IQSEC1: variants seen among roughly 807,000 people sequenced by gnomAD.
IQSEC1 encodes IQ motif and SEC7 domain-containing protein 1.
A neutral mutation model predicts 91.0 loss-of-function variants in IQSEC1; 31 were observed. That is an observed-to-expected ratio of 0.34 (90% confidence interval 0.26 to 0.46). The LOEUF is 0.46. Ranked by LOEUF, IQSEC1 falls within the 20% of genes least tolerant of loss-of-function variation. IQSEC1 has a pLI of 1.00. For synonymous variants in IQSEC1, 699 were observed against 662.6 expected (o/e 1.05, Z -0.84); for missense variants, 1,388 against 1,575.6 (o/e 0.88, Z 2.02).
rs928858172 is a variant in IQSEC1, at chr3:12,900,133, T to C, written c.*850A>G. 1.0e-6 allele frequency: 1 copy of C among 974,128 alleles called. No homozygotes were observed. The highest frequency in any genetic ancestry group is 1.2e-6 in the Non-Finnish European group (1 of 819,712). The allele number at this position is 974,128 out of a possible 1,614,324, so 60.3% of individuals were successfully genotyped here. A position where few individuals can be genotyped will look rare whatever the true frequency, so the allele number is the denominator to read the frequency against. Reference sequence around the variant, plus strand: ...CTTACCTGAAATAACAGCATTATAATACTATTTATGATAGTATTCTGTTAA... The same window carrying C: ...CTTACCTGAAATAACAGCATTATAACACTATTTATGATAGTATTCTGTTAA... On this transcript the variant is annotated 3_prime_UTR_variant, in exon 14 of 14. Coordinates refer to ENST00000613206, the MANE Select transcript of IQSEC1 (RefSeq NM_001134382.3).
chr3:12,937,926 G>A (rs1450647526), intron 2 of IQSEC1, among the ~76,000 whole-genome samples: 1 of 152,190 alleles, frequency 6.6e-6, no homozygotes, highest in African/African-American at 2.4e-5. Context: ...TCGTTCCTGT[G>A]AGGGGTGAGC....
At chr3:13,158,086 C>T (rs2124974250) in intron 2 of IQSEC1, among the ~76,000 whole-genome samples, 1 of 152,348 alleles carries the variant, frequency 6.6e-6, no homozygotes, top group Non-Finnish European at 1.5e-5. Context: ...TCAAGATTAT[C>T]TGCCCCCAGT....
rs1695209416 is a variant in IQSEC1, at chr3:12,908,342, C to T, written c.2755+7G>A. ...GCTAGCAAGGTGGTTCTAGGCCAAGCTCTTACCGGCTTCCGAGAGGTCCCG... is the reference window on the plus strand; with the variant it reads ...GCTAGCAAGGTGGTTCTAGGCCAAGTTCTTACCGGCTTCCGAGAGGTCCCG... On this transcript the variant is annotated splice_region_variant and intron_variant, in intron 12 of 13. Coordinates refer to ENST00000613206, the MANE Select transcript of IQSEC1 (RefSeq NM_001134382.3). This position sits in a 1 kb window ranked among gnomAD's most constrained non-coding sequence, Gnocchi z 4.9. The T allele has an allele frequency of 6.2e-7, 1 of 1,610,998 alleles. No individual in the cohort carries two copies. The highest frequency in any genetic ancestry group is 1.7e-5 in the Admixed American group (1 of 59,984).
rs1025286508 is a variant in IQSEC1 at position 13,032,963 on chromosome 3, C to T, written c.23+40029G>A. Among the ~76,000 whole-genome samples the T allele has an allele frequency of 1.4e-4, 22 of 152,222 alleles. No individual in the cohort carries two copies. The East Asian group carries it at 1.9e-3, about 13-fold the overall frequency. On this transcript the variant is annotated intron_variant, in intron 1 of 13. Transcript: ENST00000613206. Reference sequence around the variant, plus strand: ...TCATAAAGCAGCTCTGCAGGGCACACGAGGGCCTCGGGGCCTGGAAACTGC... The same window carrying T: ...TCATAAAGCAGCTCTGCAGGGCACATGAGGGCCTCGGGGCCTGGAAACTGC...
At position 12,967,525 on chromosome 3, in the gene IQSEC1, C is replaced by T; in HGVS notation, c.24-25660G>A. 1 of 1,397,512 alleles carries T rather than the reference C, an allele frequency of 7.2e-7. No homozygotes were observed. The highest frequency in any genetic ancestry group is 9.2e-7 in the Non-Finnish European group (1 of 1,083,574). 86.6% of individuals were successfully genotyped at this position (1,397,512 alleles called of 1,614,324 possible). A position where few individuals can be genotyped will look rare whatever the true frequency, so the allele number is the denominator to read the frequency against. On this transcript the variant is annotated intron_variant, in intron 1 of 13. Transcript: ENST00000613206. The surrounding 1 kb of genome is among the most constrained non-coding windows in gnomAD (Gnocchi z 5.9). ...AGCAGAGGCCGCCGACTCCCGCCAG[C>T]GAGCCGCCGGATCCCGGGGCCGACA...
chr3:12,905,003 G>A (rs989419105), intron 12 of IQSEC1, among the ~76,000 whole-genome samples: 1 of 152,210 alleles, frequency 6.6e-6, no homozygotes, highest in Non-Finnish European at 1.5e-5. Context: ...GTCAGCAAGA[G>A]ATGCAGGGTG....
chr3:13,072,895 C>T (rs1705483232), intron 1 of IQSEC1, 97 bp downstream of exon 1: 3 of 1,117,010 alleles, frequency 2.7e-6, no homozygotes, highest in African/African-American at 1.5e-5. Flanking sequence ...GCACATCCAC[C>T]TGCCCCTCCC....
chr3:13,232,041 G>T (rs141064262), intron 1 of IQSEC1, among the ~76,000 whole-genome samples: 6 of 152,372 alleles, frequency 3.9e-5, no homozygotes, highest in Non-Finnish European at 8.8e-5. Context: ...TTGAAACCTG[G>T]ATTACTTGGA....
Position 12,900,291 on chromosome 3 carries a change from A to G in IQSEC1, c.*692T>C. On this transcript the variant is annotated 3_prime_UTR_variant, in exon 14 of 14. Transcript: ENST00000613206. Reference sequence around the variant, plus strand: ...GGGACTTCTTTGTATGAAAATATGAAGTATCTGAATTTGTTCCTAGCATTT... The same window carrying G: ...GGGACTTCTTTGTATGAAAATATGAGGTATCTGAATTTGTTCCTAGCATTT... 1 of 984,894 alleles carries G rather than the reference A, an allele frequency of 1.0e-6. No individual in the cohort carries two copies. 61.0% of individuals were successfully genotyped at this position (984,894 alleles called of 1,614,324 possible). A position where few individuals can be genotyped will look rare whatever the true frequency, so the allele number is the denominator to read the frequency against.
intron 2 of IQSEC1, among the ~76,000 whole-genome samples, chr3:13,133,694 C>T (rs1182945791): frequency 6.6e-6 from 1 of 152,216 alleles, no homozygotes; most frequent in African/African-American, 2.4e-5. Context: ...CTGGGATGCT[C>T]GGGTTTCTAA....
chr3:12,986,608 G>A (rs1484527451), intron 1 of IQSEC1, among the ~76,000 whole-genome samples: 5 of 152,186 alleles, frequency 3.3e-5, no homozygotes, highest in Admixed American at 2.6e-4. Context: ...GTGGGAGGTC[G>A]GTCCTCTACT....
intron 2 of IQSEC1, among the ~76,000 whole-genome samples, chr3:13,148,905 CA>C (rs1325642892): frequency 6.6e-6 from 1 of 152,286 alleles, no homozygotes; most frequent in Non-Finnish European, 1.5e-5. Context: ...ACCTCTCCCG[CA>C]TCCTTTCCAG....
At chr3:12,984,815 A>ATTTTTTTTTT (rs767194681) in intron 1 of IQSEC1, among the ~76,000 whole-genome samples, 1 of 102,212 alleles carries the variant, frequency 9.8e-6, no homozygotes, top group African/African-American at 4.6e-5. Flanking sequence ...AAGCAATTAC[A>ATTTTTTTTTT]TTTTTTTTTT....
At chr3:13,173,023 A>G (rs1693648373) in intron 1 of IQSEC1, among the ~76,000 whole-genome samples, 1 of 152,194 alleles carries the variant, frequency 6.6e-6, no homozygotes, top group African/African-American at 2.4e-5. Context: ...AAAAAACATC[A>G]AAAGATTTCC....
At chr3:13,185,567 C>T (rs951102429) in intron 1 of IQSEC1, among the ~76,000 whole-genome samples, 1 of 152,218 alleles carries the variant, frequency 6.6e-6, no homozygotes, top group Non-Finnish European at 1.5e-5. Context: ...AGCTTGATTA[C>T]TTCCACAAAC....
intron 1 of IQSEC1, among the ~76,000 whole-genome samples, chr3:13,210,740 G>C (rs1176895059): frequency 6.6e-6 from 1 of 152,158 alleles, no homozygotes; most frequent in Admixed American, 6.5e-5. Context: ...AGCTGAGTGG[G>C]CTTCAGGCAG....
At chr3:13,024,177 T>C (rs1054960579) in intron 1 of IQSEC1, among the ~76,000 whole-genome samples, 1 of 152,226 alleles carries the variant, frequency 6.6e-6, no homozygotes, top group African/African-American at 2.4e-5. Flanking sequence ...AGCCTCTGCT[T>C]ACCCGCTTTA....
Position 13,004,936 on chromosome 3 carries a change from C to T in IQSEC1, c.24-63071G>A, listed in dbSNP as rs1461268305. ...GTTACACGGATTCCCAAGCTGGGAACCCCTGAATTATTTTAGGGGATCTCT... is the reference window on the plus strand; with the variant it reads ...GTTACACGGATTCCCAAGCTGGGAATCCCTGAATTATTTTAGGGGATCTCT... On this transcript the variant is annotated intron_variant, in intron 1 of 13. Transcript: ENST00000613206. 4.6e-5 allele frequency among the ~76,000 whole-genome samples: 7 copies of T among 152,316 alleles called. No individual in the cohort carries two copies. The East Asian group carries it at 7.7e-4, about 17-fold the overall frequency.
chr3:13,128,734 G>A (rs183304216), intron 2 of IQSEC1, among the ~76,000 whole-genome samples: 6 of 152,078 alleles, frequency 3.9e-5, no homozygotes, highest in Admixed American at 2.6e-4. Flanking sequence ...AAAAAGAGCC[G>A]GGCGTGGTGG....
Sources: gnomAD v4.1 joint callset for allele counts (sites outside exome capture counted in the v4.1 genomes callset) on GRCh38, gnomAD v4.1.1 for gene constraint, Gnocchi (gnomAD v3.1) non-coding constraint, MANE v1.5 for transcripts, NCBI Gene and HGNC (gene_info 2026-07-23, HGNC 2026-07-21) for gene names.